The following PIERCE2 variants were observed in gnomAD, a reference collection of about 807,000 sequenced individuals.
The protein encoded by PIERCE2 is piercer of microtubule wall 2.
At chr15:55,412,460 C>G in the PIERCE2 span, among the ~76,000 whole-genome samples, 1 of 152,226 alleles carries the variant, frequency 6.6e-6, no homozygotes, top group Non-Finnish European at 1.5e-5. Flanking sequence ...CCAGGCTCCA[C>G]TGTTTTACAA....
the PIERCE2 span, chr15:55,411,232 G>T: frequency 6.6e-6 from 1 of 152,282 alleles, no homozygotes. Context: ...GGAAAGCTGA[G>T]GTAGGCGGAT....
chr15:55,411,020 G>C, the PIERCE2 span: 5 of 152,194 alleles, frequency 3.3e-5, no homozygotes, highest in Admixed American at 6.5e-5. Context: ...CAGTGAACCT[G>C]AGTTCTATTT....
chr15:55,409,082 A>G, the PIERCE2 span, among the ~76,000 whole-genome samples: 1 of 152,174 alleles, frequency 6.6e-6, no homozygotes, highest in Admixed American at 6.5e-5. Flanking sequence ...TTTAAATTGC[A>G]CTGTGTCAAA....
chr15:55,413,148 GT>G, the PIERCE2 span, among the ~76,000 whole-genome samples: 4 of 151,872 alleles, frequency 2.6e-5, no homozygotes, highest in Non-Finnish European at 5.9e-5. Context: ...GGCGCCTGTA[GT>G]TCCAGCTACT....
the PIERCE2 span, among the ~76,000 whole-genome samples, chr15:55,409,832 T>C: frequency 6.6e-6 from 1 of 152,230 alleles, no homozygotes; most frequent in South Asian, 2.1e-4. Context: ...TACTGGTAGA[T>C]TTTTATACCT....
the PIERCE2 span, among the ~76,000 whole-genome samples, chr15:55,409,362 G>A: frequency 6.6e-6 from 1 of 151,634 alleles, no homozygotes; most frequent in East Asian, 1.9e-4. Context: ...CCGAGATTGC[G>A]CCACTGAACT....
At chr15:55,416,825 G>C in the PIERCE2 span, among the ~76,000 whole-genome samples, 1 of 152,180 alleles carries the variant, frequency 6.6e-6, no homozygotes, top group Admixed American at 6.6e-5. Flanking sequence ...GCTGGTTGTC[G>C]TGGTGAGCTC....
chr15:55,417,919 T>A, the PIERCE2 span: 1 of 498,036 alleles, frequency 2.0e-6, no homozygotes, highest in Non-Finnish European at 3.5e-6. Context: ...GGGGCAGGGG[T>A]CACAAGGTGC....
the PIERCE2 span, among the ~76,000 whole-genome samples, chr15:55,413,891 C>T: frequency 1.3e-5 from 2 of 149,042 alleles, no homozygotes; most frequent in African/African-American, 2.4e-5. Context: ...TAAGATATTA[C>T]ATAGAGAAAT....
the PIERCE2 span, chr15:55,418,227 A>T: frequency 1.3e-6 from 2 of 1,569,682 alleles, no homozygotes; most frequent in Non-Finnish European, 1.7e-6. Context: ...TTTTAGGATA[A>T]GAAAAGTACT....
chr15:55,410,988 T>C, the PIERCE2 span: 1 of 152,216 alleles, frequency 6.6e-6, no homozygotes, highest in African/African-American at 2.4e-5. Flanking sequence ...CAAGATCTGA[T>C]GAGAATAACA....
the PIERCE2 span, chr15:55,417,627 C>T: frequency 6.6e-6 from 1 of 152,108 alleles, no homozygotes; most frequent in Non-Finnish European, 1.5e-5. Context: ...TAAATAAATT[C>T]TCATAGTTCT....
the PIERCE2 span, chr15:55,418,184 C>A: frequency 6.4e-7 from 1 of 1,560,586 alleles, no homozygotes; most frequent in Non-Finnish European, 8.6e-7. Flanking sequence ...TTTTTCAGAA[C>A]TTTATAATGG....
chr15:55,417,030 T>C, the PIERCE2 span, among the ~76,000 whole-genome samples: 1 of 93,762 alleles, frequency 1.1e-5, no homozygotes, highest in Admixed American at 1.4e-4. Flanking sequence ...ACCTACTATA[T>C]ATTGTCATCA....
chr15:55,408,989 T>G, the PIERCE2 span, among the ~76,000 whole-genome samples: 2 of 152,272 alleles, frequency 1.3e-5, no homozygotes, highest in East Asian at 3.9e-4. Flanking sequence ...CCATCGAGAT[T>G]GTATGCATTC....
At chr15:55,411,945 G>A in the PIERCE2 span, among the ~76,000 whole-genome samples, 2 of 151,636 alleles carry the variant, frequency 1.3e-5, no homozygotes, top group African/African-American at 4.8e-5. Flanking sequence ...AATAAATTTA[G>A]CTGAGCGTGG....
At chr15:55,415,488 G>C in the PIERCE2 span, among the ~76,000 whole-genome samples, 1 of 151,462 alleles carries the variant, frequency 6.6e-6, no homozygotes, top group African/African-American at 2.4e-5. Flanking sequence ...GGAAGGGAAG[G>C]AAGGGCTTTA....
chr15:55,412,112 A>T, the PIERCE2 span, among the ~76,000 whole-genome samples: 15 of 151,634 alleles, frequency 9.9e-5, no homozygotes, highest in African/African-American at 3.4e-4. Context: ...AAAAAAAAAA[A>T]AAAAAATTGA....
At chr15:55,414,246 G>A in the PIERCE2 span, among the ~76,000 whole-genome samples, 1 of 140,466 alleles carries the variant, frequency 7.1e-6, no homozygotes, top group East Asian at 2.1e-4. Context: ...CACTCTTGTT[G>A]CCCCGGCTGG....
Sources: allele counts gnomAD v4.1 joint callset (sites outside exome capture counted in the v4.1 genomes callset), GRCh38; gene constraint gnomAD v4.1.1; transcripts MANE v1.5; gene names NCBI Gene and HGNC (gene_info 2026-07-23, HGNC 2026-07-21).